GCNT4: variants seen among roughly 807,000 people sequenced by gnomAD.
The protein encoded by GCNT4 is glucosaminyl (N-acetyl) transferase 4.
Under a neutral mutation model 31.3 loss-of-function variants are expected in GCNT4, and 17 were observed. The ratio of observed to expected loss-of-function variants is 0.54; its 90% CI spans 0.37 to 0.81. The LOEUF (loss-of-function observed/expected upper bound fraction) is 0.81, where lower values mean the gene tolerates loss of function less well. Among genes scored for constraint, GCNT4 ranks in the 40% least tolerant of loss-of-function variants. The pLI, the probability that GCNT4 is intolerant of heterozygous loss-of-function variation, is 0.00. For synonymous variants in GCNT4, 158 were observed against 190.6 expected (o/e 0.83, Z 1.41); for missense variants, 503 against 525.5 (o/e 0.96, Z 0.42).
At chr5:75,042,031 G>C (rs991572649) in intron 3 of GCNT4, among the ~76,000 whole-genome samples, 1 of 152,204 alleles carries the variant, frequency 6.6e-6, no homozygotes, top group Non-Finnish European at 1.5e-5. Flanking sequence ...TCAGTTTGAT[G>C]AAAAAGCTCA....
intron 3 of GCNT4, among the ~76,000 whole-genome samples, chr5:75,031,662 G>C (rs184297286): frequency 1.2e-4 from 18 of 152,322 alleles, no homozygotes; most frequent in African/African-American, 4.3e-4. Context: ...TGGGGCCTAG[G>C]TAGGAGGAGG....
chr5:75,029,580 A>G lies in GCNT4; in HGVS notation c.458T>C (p.Ile153Thr). 1 of 1,614,180 alleles carries G rather than the reference A, an allele frequency of 6.2e-7. No homozygotes were observed. The highest frequency in any genetic ancestry group is 1.1e-5 in the South Asian group (1 of 91,082). ...AIMVERLIHAIYNQHNIYCIH... is the reference protein window; with the variant it reads ...AIMVERLIHATYNQHNIYCIH... The stretch of plus-strand genomic sequence containing the variant: ...GCAGTAAATATTGTGCTGGTTGTAT[A>G]TAGCATGGATAAGCCTTTCAACCAT... The change falls in exon 4 of 4, where the codon ATA becomes ACA. Residue 153 changes from isoleucine (I) to threonine (T), a missense_variant. By Grantham distance (89) the Ile-to-Thr change is moderately conservative. Coordinates refer to ENST00000652361, the MANE Select transcript of GCNT4 (RefSeq NM_001366737.1).
At chr5:75,038,341 G>A (rs1030068978) in intron 3 of GCNT4, among the ~76,000 whole-genome samples, 18 of 152,046 alleles carry the variant, frequency 1.2e-4, no homozygotes, top group South Asian at 8.3e-4. Context: ...ATATTAAAAC[G>A]GAAAATAACT....
downstream of GCNT4, among the ~76,000 whole-genome samples, chr5:75,024,524 C>T (rs540645818): frequency 2.6e-5 from 4 of 152,108 alleles, no homozygotes; most frequent in South Asian, 4.2e-4. Context: ...AGCTTCTCAG[C>T]GGGTGGGGGT....
chr5:75,035,296 C>T (rs1349600531), intron 3 of GCNT4, among the ~76,000 whole-genome samples: 1 of 152,240 alleles, frequency 6.6e-6, no homozygotes, highest in Non-Finnish European at 1.5e-5. Context: ...CAAAGAAGTA[C>T]AGATGCTTCC....
At chr5:75,041,111 T>C (rs960657871) in intron 3 of GCNT4, among the ~76,000 whole-genome samples, 2 of 152,260 alleles carry the variant, frequency 1.3e-5, no homozygotes, top group Admixed American at 1.3e-4. Flanking sequence ...AAGTTCATTA[T>C]CTTTTATGGG....
chr5:75,050,415 T>C lies in GCNT4; in HGVS notation c.-143+1754A>G, dbSNP rs532810005. 9.9e-5 allele frequency among the ~76,000 whole-genome samples: 15 copies of C among 152,244 alleles called. No individual in the cohort carries two copies. The East Asian group carries it at 2.9e-3, about 29-fold the overall frequency. On this transcript the variant is annotated intron_variant, in intron 2 of 3. Transcript: ENST00000652361. ...TTCACATATGTCTAAGGCTCCCTCA[T>C]CTTAAAGTACCTAGCCCTCCGTCCC...
chr5:75,038,512 C>T (rs1743248640), intron 3 of GCNT4, among the ~76,000 whole-genome samples: 1 of 152,162 alleles, frequency 6.6e-6, no homozygotes, highest in African/African-American at 2.4e-5. Flanking sequence ...AATTTAGAAA[C>T]GATAGGCTTT....
rs1743018703 is a variant in GCNT4, at chr5:75,029,612, A to G, written c.426T>C (p.Asp142=). 3 of 1,614,144 alleles carry G rather than the reference A, an allele frequency of 1.9e-6. No homozygotes were observed. Among genetic ancestry groups the G allele is most frequent in the Non-Finnish European group, 2.5e-6 (3 of 1,180,036 alleles). Residue 142 remains aspartate, a synonymous_variant, in exon 4 of 4, where the codon GAT becomes GAC. Coordinates refer to ENST00000652361, the MANE Select transcript of GCNT4 (RefSeq NM_001366737.1). The part of the protein sequence containing the change: ...PIAYSLVVHK[D]AIMVERLIHA... ...GGATAAGCCTTTCAACCATAATTGCATCTTTGTGGACAACCAAAGAATAGG... is the reference window on the plus strand; with the variant it reads ...GGATAAGCCTTTCAACCATAATTGCGTCTTTGTGGACAACCAAAGAATAGG...
chr5:75,036,184 C>A lies in GCNT4; in HGVS notation c.-1-6146G>T, dbSNP rs74506064. Reference sequence around the variant, plus strand: ...AAAAAAAAACCTGTGTATAATTGGACCCCCTGAAGTTCAAACCTGTGTTGT... The same window carrying A: ...AAAAAAAAACCTGTGTATAATTGGAACCCCTGAAGTTCAAACCTGTGTTGT... On this transcript the variant is annotated intron_variant, in intron 3 of 3. Transcript: ENST00000652361. Among the ~76,000 whole-genome samples the A allele has an allele frequency of 1.3e-3, 192 of 151,886 alleles. 3 individuals are homozygous for A. In the East Asian group the frequency reaches 0.031, roughly 24 times the overall value.
rs759069238 is a variant in GCNT4 at position 75,029,015 on chromosome 5, G to A, written c.1023C>T (p.Thr341=). 1.2e-6 allele frequency: 2 copies of A among 1,613,956 alleles called. No individual in the cohort carries two copies. The highest frequency in any genetic ancestry group is 2.2e-5 in the East Asian group (1 of 44,892). ...TYSPDEHFWA[T]LIRVPGIPGE... ...CAGGTATTCCTGGAACCCGAATCAA[G>A]GTAGCCCAAAAGTGCTCATCAGGAG... Residue 341 remains threonine (T), a synonymous_variant, in exon 4 of 4, where the codon ACC becomes ACT. Transcript: ENST00000652361.
chr5:75,045,485 T>C (rs1217894462), intron 3 of GCNT4, among the ~76,000 whole-genome samples: 1 of 152,244 alleles, frequency 6.6e-6, no homozygotes, highest in Non-Finnish European at 1.5e-5. Flanking sequence ...GACTAAATAA[T>C]ATTCCATTGT....
Position 75,029,069 on chromosome 5 carries a change from G to A in GCNT4, c.969C>T (p.Asp323=), listed in dbSNP as rs369084440. The change falls in exon 4 of 4, where the codon GAC becomes GAT. Residue 323 remains aspartate (D), a synonymous_variant. Coordinates refer to ENST00000652361, the MANE Select transcript of GCNT4 (RefSeq NM_001366737.1). ...ATGTGTCTTTAGACCAGGCAAAAAA[G>A]TCTTGAACGATGGAGTTGTTGAAAA... ...KYIFNNSIVQ[D]FFAWSKDTYS... is the part of the protein sequence containing the mutation. 3.3e-5 allele frequency: 54 copies of A among 1,614,024 alleles called. No homozygotes were observed. Among genetic ancestry groups the A allele is most frequent in the Middle Eastern group, 1.6e-4 (1 of 6,084 alleles).
chr5:75,044,224 T>C (rs1458349259), intron 3 of GCNT4, among the ~76,000 whole-genome samples: 1 of 152,066 alleles, frequency 6.6e-6, no homozygotes, highest in African/African-American at 2.4e-5. Flanking sequence ...ACCATGTAGA[T>C]ATCAACCCAA....
rs200517667 is a variant in GCNT4 at position 75,052,244 on chromosome 5, CAAAAA to C, written c.-201-22_-201-18del. The stretch of plus-strand genomic sequence containing the variant: ...TTTGTTGTTCTTCCATTTTTAAAGA[CAAAAA>C]AAAAAAAAAAAAGAAAAAGAAAAAA... On this transcript the variant is annotated intron_variant, in intron 1 of 3. Transcript: ENST00000652361. The C allele has an allele frequency of 0.11, 10,551 of 95,218 alleles. 609 individuals carry two copies. Among genetic ancestry groups the C allele is most frequent in the Admixed American group, 0.22 (2,255 of 10,436 alleles). 5.9% of individuals were successfully genotyped at this position (95,218 alleles called of 1,614,324 possible). A position where few individuals can be genotyped will look rare whatever the true frequency, so the allele number is the denominator to read the frequency against.
intron 2 of GCNT4, among the ~76,000 whole-genome samples, chr5:75,048,785 G>A (rs75283901): frequency 0.06 from 9,084 of 152,248 alleles, 299 homozygotes; most frequent in Middle Eastern, 0.12. Context: ...CCTCTGCTGG[G>A]TAGTAACTGA....
intron 3 of GCNT4, among the ~76,000 whole-genome samples, chr5:75,046,941 A>T (rs1258058078): frequency 1.3e-5 from 2 of 152,266 alleles, no homozygotes; most frequent in African/African-American, 4.8e-5. Flanking sequence ...CAGTCTACTT[A>T]ACAGTCTTAT....
At chr5:75,050,608 C>T (rs1743547836) in intron 2 of GCNT4, among the ~76,000 whole-genome samples, 1 of 152,166 alleles carries the variant, frequency 6.6e-6, no homozygotes, top group Non-Finnish European at 1.5e-5. Context: ...ACTTAGGAGC[C>T]TCGAAAGCTG....
At chr5:75,035,984 C>T (rs1459038974) in intron 3 of GCNT4, among the ~76,000 whole-genome samples, 2 of 152,146 alleles carry the variant, frequency 1.3e-5, no homozygotes, top group East Asian at 1.9e-4. Flanking sequence ...TATGTATATT[C>T]ATCCCTCAGT....
Sources: allele counts gnomAD v4.1 joint callset (sites outside exome capture counted in the v4.1 genomes callset), GRCh38; gene constraint gnomAD v4.1.1; transcripts MANE v1.5; gene names NCBI Gene and HGNC (gene_info 2026-07-23, HGNC 2026-07-21).